The following RANBP2 variants were observed in gnomAD, a reference collection of about 807,000 sequenced individuals.
RANBP2 encodes the protein E3 SUMO-protein ligase RanBP2.
RANBP2 carries 57 observed loss-of-function variants against 303.6 expected under a neutral mutation model. That is an observed-to-expected ratio of 0.19 (90% CI 0.15 to 0.23). RANBP2 has a LOEUF of 0.23. Ranked by LOEUF, RANBP2 falls within the 10% of genes least tolerant of loss-of-function variation. RANBP2 has a pLI of 1.00. For synonymous variants in RANBP2, 1,167 were observed against 1,301.5 expected, an observed-to-expected ratio of 0.90 and a Z score of 2.23; for missense variants, 3,138 against 3,780.8, an observed-to-expected ratio of 0.83 and a Z score of 4.46.
the RANBP2 span, among the ~76,000 whole-genome samples, chr2:109,709,417 G>A: frequency 1.2e-3 from 181 of 152,256 alleles, no homozygotes; most frequent in African/African-American, 4.1e-3. Flanking sequence ...GCCTGCTCCT[G>A]GGAAGCAAGC....
chr2:109,015,551 A>G, the RANBP2 span, among the ~76,000 whole-genome samples: 1 of 152,132 alleles, frequency 6.6e-6, no homozygotes, highest in Admixed American at 6.5e-5. Flanking sequence ...TGAGGCCAGG[A>G]GTTCGAGACC....
At position 108,719,547 on chromosome 2, in the gene RANBP2, G is replaced by T. The variant is rs1435720404; in HGVS notation, c.-60G>T. The T allele has an allele frequency of 1.3e-6, 2 of 1,563,440 alleles. No homozygotes were observed. The highest frequency in any genetic ancestry group is 2.7e-5 in the African/African-American group (2 of 73,986). On this transcript the variant is annotated 5_prime_UTR_variant, in exon 1 of 29. Transcript: ENST00000283195. Reference sequence around the variant, plus strand: ...TGCAGGCGCTTTCCTCTTGGAAGTGGCGACTGCTGCGGGCCTGAGCGCTGG... The same window carrying T: ...TGCAGGCGCTTTCCTCTTGGAAGTGTCGACTGCTGCGGGCCTGAGCGCTGG...
the RANBP2 span, among the ~76,000 whole-genome samples, chr2:108,889,664 T>G: frequency 6.6e-6 from 1 of 152,194 alleles, no homozygotes; most frequent in Non-Finnish European, 1.5e-5. Context: ...ATCACTTTAC[T>G]TTCAGATGTG....
At chr2:109,323,494 A>G in the RANBP2 span, among the ~76,000 whole-genome samples, 1 of 152,202 alleles carries the variant, frequency 6.6e-6, no homozygotes, top group Non-Finnish European at 1.5e-5. Flanking sequence ...TCTGTTAGTG[A>G]TTGGTAGCAT....
the RANBP2 span, among the ~76,000 whole-genome samples, chr2:109,299,217 A>G: frequency 6.6e-6 from 1 of 152,200 alleles, no homozygotes; most frequent in Non-Finnish European, 1.5e-5. Flanking sequence ...CTGCCTCCCC[A>G]AGGACTGCCT....
chr2:109,077,800 T>C, the RANBP2 span, among the ~76,000 whole-genome samples: 3 of 149,070 alleles, frequency 2.0e-5, no homozygotes, highest in Non-Finnish European at 4.5e-5. Flanking sequence ...GTCAAAAACA[T>C]GAGATAACAA....
At chr2:108,750,814 C>T (rs1195321823) in intron 9 of RANBP2, among the ~76,000 whole-genome samples, 1 of 152,194 alleles carries the variant, frequency 6.6e-6, no homozygotes, top group African/African-American at 2.4e-5. Flanking sequence ...GTCTCGAACT[C>T]CTGACTGCGC....
At chr2:109,333,916 A>G in the RANBP2 span, among the ~76,000 whole-genome samples, 1 of 152,238 alleles carries the variant, frequency 6.6e-6, no homozygotes. Flanking sequence ...TAAGGTTGCT[A>G]TGAAGTTCAG....
At chr2:109,591,796 G>A in the RANBP2 span, among the ~76,000 whole-genome samples, 1 of 152,236 alleles carries the variant, frequency 6.6e-6, no homozygotes, top group African/African-American at 2.4e-5. Context: ...TATTTGGGGG[G>A]CTGAGGCATG....
At chr2:109,457,084 A>G in the RANBP2 span, among the ~76,000 whole-genome samples, 1 of 152,234 alleles carries the variant, frequency 6.6e-6, no homozygotes, top group Non-Finnish European at 1.5e-5. Context: ...TCCACCTTCC[A>G]TGCCTCAGTT....
chr2:108,764,045 G>A lies in RANBP2; in HGVS notation c.3506G>A (p.Gly1169Asp). 1 of 1,614,022 alleles carries A rather than the reference G, an allele frequency of 6.2e-7. No homozygotes were observed. The highest frequency in any genetic ancestry group is 8.5e-7 in the Non-Finnish European group (1 of 1,179,946). Residue 1169 changes from glycine (G) to aspartate (D), a missense_variant, in exon 20 of 29, where the codon GGT (glycine) becomes GAT (aspartate). This residue lies in a region of RANBP2 where 403 missense variants were observed against 376.7 expected (regional missense o/e 1.07). Coordinates refer to ENST00000283195, the MANE Select transcript of RANBP2 (RefSeq NM_006267.5). ...GCCCATGGGGATGATGATGATGACG[G>A]TCCTCACTTTGAGCCTGTAGTACCT... Reference protein sequence around the residue: ...GSAHGDDDDDGPHFEPVVPLP... With the variant: ...GSAHGDDDDDDPHFEPVVPLP...
the RANBP2 span, among the ~76,000 whole-genome samples, chr2:109,020,010 G>A: frequency 2.0e-5 from 3 of 152,338 alleles, no homozygotes; most frequent in South Asian, 6.2e-4. Context: ...TGGGGGTGAA[G>A]TTTCGGGGCA....
the RANBP2 span, among the ~76,000 whole-genome samples, chr2:108,881,499 T>A: frequency 6.6e-6 from 1 of 152,246 alleles, no homozygotes; most frequent in South Asian, 2.1e-4. Flanking sequence ...TTTAATTTCC[T>A]TTAAGAACTT....
the RANBP2 span, among the ~76,000 whole-genome samples, chr2:109,733,664 G>A: frequency 1.3e-5 from 2 of 151,940 alleles, no homozygotes; most frequent in Non-Finnish European, 2.9e-5. Context: ...ACCAGCCTGA[G>A]CAACATAGTG....
chr2:109,660,873 G>A, the RANBP2 span, among the ~76,000 whole-genome samples: 1 of 152,076 alleles, frequency 6.6e-6, no homozygotes, highest in Admixed American at 6.5e-5. Flanking sequence ...TGCTAGCTGA[G>A]TGTCTGTCTT....
the RANBP2 span, among the ~76,000 whole-genome samples, chr2:109,558,795 T>C: frequency 5.9e-5 from 9 of 152,288 alleles, no homozygotes; most frequent in South Asian, 2.1e-4. Context: ...TACTGCTAGA[T>C]AGATATAATA....
At chr2:109,012,415 C>G in the RANBP2 span, among the ~76,000 whole-genome samples, 1 of 152,172 alleles carries the variant, frequency 6.6e-6, no homozygotes, top group African/African-American at 2.4e-5. Flanking sequence ...AGAGCCCCCA[C>G]AGAATCTACC....
the RANBP2 span, among the ~76,000 whole-genome samples, chr2:109,026,297 CT>C: frequency 3.2e-5 from 3 of 93,424 alleles, no homozygotes; most frequent in Admixed American, 1.4e-4. Context: ...CCATGCCTAG[CT>C]TTTTTTTTTT....
chr2:109,662,872 TTCCTAATGA>T, the RANBP2 span, among the ~76,000 whole-genome samples: 1 of 152,200 alleles, frequency 6.6e-6, no homozygotes, highest in East Asian at 1.9e-4. Flanking sequence ...TTGCCATGGC[TTCCTAATGA>T]TCCCCTGGCC....
Sources: gnomAD v4.1 joint callset for allele counts (sites outside exome capture counted in the v4.1 genomes callset) on GRCh38, gnomAD v4.1.1 for gene constraint, gnomAD v4.1.1 regional missense constraint, MANE v1.5 for transcripts, NCBI Gene and HGNC (gene_info 2026-07-23, HGNC 2026-07-21) for gene names.